The following DAB1 variants were observed in gnomAD, a reference collection of about 807,000 sequenced individuals.
The protein encoded by DAB1 is disabled homolog 1.
A neutral mutation model predicts 64.6 loss-of-function variants in DAB1; 15 were observed. That is an observed-to-expected ratio of 0.23 (90% CI 0.16 to 0.36). DAB1 has a LOEUF of 0.36. DAB1 is among the 10% of genes least tolerant of loss of function. DAB1 has a pLI of 1.00. For synonymous variants in DAB1, 235 were observed against 251.9 expected (o/e 0.93, Z 0.64); for missense variants, 596 against 706.7 (o/e 0.84, Z 1.78).
chr1:57,807,823 A>C (rs901019301), intron 6 of DAB1, among the ~76,000 whole-genome samples: 1 of 152,232 alleles, frequency 6.6e-6, no homozygotes. Flanking sequence ...CAGCCTATTC[A>C]ACATGAAGAT....
intron 5 of DAB1, among the ~76,000 whole-genome samples, chr1:58,141,090 G>T (rs2100714806): frequency 6.6e-6 from 1 of 152,288 alleles, no homozygotes; most frequent in African/African-American, 2.4e-5. Context: ...GGAAGGTGAA[G>T]CAGGAGCAGG....
Position 58,034,948 on chromosome 1 carries a change from T to C in DAB1, n.387+115563A>G, listed in dbSNP as rs369639543. On this transcript the variant is annotated intron_variant and non_coding_transcript_variant, in intron 5 of 20. Coordinates refer to the DAB1 transcript ENST00000485760. ...CTCCTCTCAAGTGGGAGAGTCTACG[T>C]CTCTTCCCCTCGAACCTGTGTCTTG... Among the ~76,000 whole-genome samples the C allele has an allele frequency of 9.9e-5, 15 of 152,200 alleles. 1 individual carries two copies. The East Asian group carries it at 1.5e-3, about 16-fold the overall frequency.
chr1:58,077,926 T>G (rs1649755782), intron 5 of DAB1: 1 of 152,172 alleles, frequency 6.6e-6, no homozygotes. Context: ...TGTGCTCGAG[T>G]CTGAGTTCAA....
intron 14 of DAB1, among the ~76,000 whole-genome samples, chr1:57,007,209 A>G (rs1326757635): frequency 6.6e-6 from 1 of 152,194 alleles, no homozygotes; most frequent in Non-Finnish European, 1.5e-5. Flanking sequence ...GGCAATATCT[A>G]TTGTTACTAA....
intron 2 of DAB1, among the ~76,000 whole-genome samples, chr1:57,235,904 G>A (rs1194612039): frequency 2.0e-5 from 3 of 152,170 alleles, no homozygotes; most frequent in Non-Finnish European, 4.4e-5. Flanking sequence ...ACTCCATTAG[G>A]AGCATACACA....
At chr1:57,419,380 C>A (rs1353095061) in intron 1 of DAB1, among the ~76,000 whole-genome samples, 1 of 151,850 alleles carries the variant, frequency 6.6e-6, no homozygotes, top group East Asian at 1.9e-4. Context: ...AGTCATTTTA[C>A]TTTCCTCAGA....
chr1:58,460,288 C>T (rs1330704647), intron 3 of DAB1, among the ~76,000 whole-genome samples: 1 of 152,132 alleles, frequency 6.6e-6, no homozygotes, highest in African/African-American at 2.4e-5. Context: ...TAGGACATAT[C>T]TGTGGTAGAG....
intron 2 of DAB1, among the ~76,000 whole-genome samples, chr1:57,197,205 A>G (rs928726232): frequency 3.3e-5 from 5 of 152,094 alleles, no homozygotes; most frequent in South Asian, 2.1e-4. Context: ...TTAGCCAGGC[A>G]TGGTGGCACG....
At chr1:58,180,916 A>C (rs1286922510) in intron 4 of DAB1, among the ~76,000 whole-genome samples, 1 of 152,102 alleles carries the variant, frequency 6.6e-6, no homozygotes, top group African/African-American at 2.4e-5. Context: ...TAATTGTTTT[A>C]TGTGTGCTTG....
At chr1:58,151,588 G>A (rs1654939702) in intron 4 of DAB1, among the ~76,000 whole-genome samples, 1 of 152,158 alleles carries the variant, frequency 6.6e-6, no homozygotes, top group Non-Finnish European at 1.5e-5. Flanking sequence ...ACAAGAAAAT[G>A]AAATTGCATA....
chr1:57,705,277 T>A (rs1480160504), intron 6 of DAB1, among the ~76,000 whole-genome samples: 2 of 152,146 alleles, frequency 1.3e-5, no homozygotes, highest in Non-Finnish European at 2.9e-5. Flanking sequence ...TGGTATATAT[T>A]TTTCCATTTT....
chr1:58,303,425 G>C (rs368959532), intron 4 of DAB1, among the ~76,000 whole-genome samples: 41 of 152,282 alleles, frequency 2.7e-4, no homozygotes, highest in African/African-American at 9.1e-4. Flanking sequence ...ACTGATACAA[G>C]TTTAATATGG....
intron 2 of DAB1, among the ~76,000 whole-genome samples, chr1:57,268,702 T>C (rs997459326): frequency 6.6e-6 from 1 of 152,202 alleles, no homozygotes; most frequent in African/African-American, 2.4e-5. Context: ...GTTCCATACA[T>C]ACATAATTCT....
chr1:58,233,067 C>A (rs1479085129), intron 4 of DAB1, among the ~76,000 whole-genome samples: 1 of 152,148 alleles, frequency 6.6e-6, no homozygotes, highest in Non-Finnish European at 1.5e-5. Flanking sequence ...AATAAATGAA[C>A]AAGTGCCAGA....
intron 4 of DAB1, among the ~76,000 whole-genome samples, chr1:57,115,926 G>C (rs1261271872): frequency 6.6e-6 from 1 of 152,128 alleles, no homozygotes; most frequent in African/African-American, 2.4e-5. Flanking sequence ...AACCACATCA[G>C]GCCATGGGGA....
chr1:57,299,462 A>G (rs527332155), intron 1 of DAB1, among the ~76,000 whole-genome samples: 175 of 152,350 alleles, frequency 1.1e-3, no homozygotes, highest in African/African-American at 3.7e-3. Context: ...AACAAAAGCC[A>G]GAACCAGGTT....
intron 1 of DAB1, among the ~76,000 whole-genome samples, chr1:58,537,242 T>C (rs1646532523): frequency 6.6e-6 from 1 of 152,140 alleles, no homozygotes; most frequent in African/African-American, 2.4e-5. Flanking sequence ...AGCCACTTAA[T>C]AGGGATAAAT....
chr1:57,318,246 T>A (rs1243249368), intron 1 of DAB1, among the ~76,000 whole-genome samples: 1 of 151,332 alleles, frequency 6.6e-6, no homozygotes, highest in Non-Finnish European at 1.5e-5. Context: ...ATTGTGGAAC[T>A]GAATGGTAGC....
chr1:57,590,219 T>C (rs1317763298), intron 7 of DAB1, among the ~76,000 whole-genome samples: 2 of 152,146 alleles, frequency 1.3e-5, no homozygotes, highest in African/African-American at 4.8e-5. Context: ...CCACGCCTGG[T>C]GTCTGTTCCA....
Sources: gnomAD v4.1 joint callset for allele counts (sites outside exome capture counted in the v4.1 genomes callset) on GRCh38, gnomAD v4.1.1 for gene constraint, MANE v1.5 for transcripts, NCBI Gene and HGNC (gene_info 2026-07-23, HGNC 2026-07-21) for gene names.